The following ZFTRAF1 variants were observed in gnomAD, a reference collection of about 807,000 sequenced individuals.
ZFTRAF1 encodes the protein zinc finger TRAF-type-containing protein 1.
the ZFTRAF1 span, chr8:144,453,973 G>A: frequency 6.4e-6 from 1 of 156,740 alleles, no homozygotes; most frequent in Non-Finnish European, 1.4e-5. Flanking sequence ...CAGGTGAGAG[G>A]AGGCAGCTGC....
chr8:144,451,123 G>A, the ZFTRAF1 span: 8 of 244,876 alleles, frequency 3.3e-5, no homozygotes, highest in Admixed American at 9.7e-5. Flanking sequence ...GACAGGATGC[G>A]GTTCCGAGAA....
At chr8:144,459,234 C>T in the ZFTRAF1 span, among the ~76,000 whole-genome samples, 10 of 152,224 alleles carry the variant, frequency 6.6e-5, no homozygotes, top group Non-Finnish European at 1.2e-4. Context: ...AGCAGGGAGC[C>T]GGCAGGAACG....
chr8:144,459,130 T>G, the ZFTRAF1 span, among the ~76,000 whole-genome samples: 3 of 152,220 alleles, frequency 2.0e-5, no homozygotes, highest in South Asian at 6.2e-4. Context: ...AGGCTGCGGC[T>G]GCAACGTCCC....
chr8:144,450,130 C>T, the ZFTRAF1 span: 1 of 497,418 alleles, frequency 2.0e-6, no homozygotes, highest in Admixed American at 3.3e-5. Flanking sequence ...GCCTGGTGCA[C>T]CGTCTCCTCT....
the ZFTRAF1 span, among the ~76,000 whole-genome samples, chr8:144,460,967 A>G: frequency 6.6e-6 from 1 of 152,220 alleles, no homozygotes; most frequent in Non-Finnish European, 1.5e-5. Context: ...ACATCTTGGA[A>G]GCTGAGGCAC....
the ZFTRAF1 span, chr8:144,462,211 C>G: frequency 2.2e-6 from 1 of 461,964 alleles, no homozygotes; most frequent in Non-Finnish European, 3.8e-6. Flanking sequence ...CGAGGAGACG[C>G]GGATCCTGGG....
chr8:144,452,264 T>C, the ZFTRAF1 span: 1 of 1,356,538 alleles, frequency 7.4e-7, no homozygotes, highest in South Asian at 1.3e-5. Flanking sequence ...GCGCTGTCAG[T>C]GCCCAGTGCC....
At chr8:144,456,732 C>T in the ZFTRAF1 span, 59,328 of 150,686 alleles carry the variant, frequency 0.39, 13,268 homozygotes, top group South Asian at 0.57. Flanking sequence ...GGAGACATCA[C>T]GGGAATGATA....
the ZFTRAF1 span, chr8:144,450,294 C>A: frequency 3.0e-6 from 2 of 658,870 alleles, no homozygotes; most frequent in African/African-American, 3.6e-5. Context: ...TCAGATAGTC[C>A]TGTGAAGCAG....
At chr8:144,453,888 T>C in the ZFTRAF1 span, 3 of 183,758 alleles carry the variant, frequency 1.6e-5, no homozygotes, top group Non-Finnish European at 3.5e-5. Context: ...GCTCCCACAC[T>C]GGGGCAGGCA....
At chr8:144,462,367 GGCC>G in the ZFTRAF1 span, 1,809 of 467,108 alleles carry the variant, frequency 3.9e-3, no homozygotes, top group South Asian at 0.012. Context: ...TCCCGCTGCC[GGCC>G]GCCGCCGCCG....
the ZFTRAF1 span, among the ~76,000 whole-genome samples, chr8:144,452,986 C>A: frequency 6.6e-6 from 1 of 152,244 alleles, no homozygotes; most frequent in African/African-American, 2.4e-5. Flanking sequence ...CCCACAGCCA[C>A]AAAGAGCACT....
the ZFTRAF1 span, chr8:144,450,229 G>A: frequency 8.3e-6 from 5 of 604,048 alleles, no homozygotes; most frequent in East Asian, 2.8e-5. Context: ...CGTCGCGCAC[G>A]CATGCAGACT....
At chr8:144,462,230 G>A in the ZFTRAF1 span, 7 of 482,124 alleles carry the variant, frequency 1.5e-5, no homozygotes, top group African/African-American at 1.3e-4. Flanking sequence ...GGGCCCCGCG[G>A]CGGGGGCTGC....
chr8:144,460,385 CGG>C, the ZFTRAF1 span, among the ~76,000 whole-genome samples: 9 of 152,330 alleles, frequency 5.9e-5, no homozygotes, highest in East Asian at 1.7e-3. Context: ...CCAGGAGCTC[CGG>C]TCAGAAGCAG....
the ZFTRAF1 span, among the ~76,000 whole-genome samples, chr8:144,462,104 G>A: frequency 1.3e-5 from 2 of 152,184 alleles, no homozygotes; most frequent in African/African-American, 2.4e-5. Flanking sequence ...AAGACAACGA[G>A]GAGCTTCGGA....
chr8:144,453,148 C>A, the ZFTRAF1 span: 1 of 1,343,984 alleles, frequency 7.4e-7, no homozygotes, highest in Non-Finnish European at 1.0e-6. Context: ...CTGCACAGGG[C>A]CCTGCTGCAC....
chr8:144,462,568 T>TCCGACG, the ZFTRAF1 span: 4 of 130,434 alleles, frequency 3.1e-5, no homozygotes, highest in Non-Finnish European at 4.9e-5. Context: ...CGGGCCCGGC[T>TCCGACG]CCGACCCCGA....
At chr8:144,454,076 A>C in the ZFTRAF1 span, 1 of 152,892 alleles carries the variant, frequency 6.5e-6, no homozygotes, top group South Asian at 2.1e-4. Flanking sequence ...AAGGGCAGGT[A>C]GGCACACAGG....
Sources: allele counts gnomAD v4.1 joint callset (sites outside exome capture counted in the v4.1 genomes callset), GRCh38; gene constraint gnomAD v4.1.1; transcripts MANE v1.5; gene names NCBI Gene and HGNC (gene_info 2026-07-23, HGNC 2026-07-21).